The following PCGF5 variants were observed in gnomAD, a reference collection of about 807,000 sequenced individuals.
PCGF5 encodes polycomb group RING finger protein 5.
Under a neutral mutation model 44.3 loss-of-function variants are expected in PCGF5, and 9 were observed. The observed-to-expected ratio is 0.20, with a 90% CI of 0.12 to 0.35. The LOEUF is 0.35. Among genes scored for constraint, PCGF5 ranks in the 10% least tolerant of loss-of-function variants. The pLI, the probability that PCGF5 is intolerant of heterozygous loss-of-function variation, is 1.00. For synonymous variants in PCGF5, 95 were observed against 102.5 expected, an observed-to-expected ratio of 0.93 and a Z score of 0.44; for missense variants, 146 against 305.3, an observed-to-expected ratio of 0.48 and a Z score of 3.89.
At chr10:91,210,697 A>G (rs888516384) in intron 1 of PCGF5, among the ~76,000 whole-genome samples, 3 of 152,204 alleles carry the variant, frequency 2.0e-5, no homozygotes, top group African/African-American at 4.8e-5. Flanking sequence ...CCTGGTACCA[A>G]TTAAGACCAC....
At chr10:91,229,275 A>C (rs907499535) in intron 2 of PCGF5, among the ~76,000 whole-genome samples, 14 of 152,232 alleles carry the variant, frequency 9.2e-5, no homozygotes, top group African/African-American at 3.4e-4. Flanking sequence ...AGAACTTAAC[A>C]TTCTAATAGG....
At chr10:91,234,965 T>C (rs1424731151) in intron 2 of PCGF5, among the ~76,000 whole-genome samples, 1 of 152,196 alleles carries the variant, frequency 6.6e-6, no homozygotes, top group African/African-American at 2.4e-5. Context: ...AATTCTTTAA[T>C]TATTTTTTGT....
intron 1 of PCGF5, among the ~76,000 whole-genome samples, chr10:91,166,061 G>A (rs144006190): frequency 1.6e-3 from 249 of 152,278 alleles, no homozygotes; most frequent in African/African-American, 5.8e-3. Flanking sequence ...ATTACTTGGC[G>A]CAGTTCATTC....
At chr10:91,180,176 C>G (rs553271454) in intron 1 of PCGF5, among the ~76,000 whole-genome samples, 2 of 152,056 alleles carry the variant, frequency 1.3e-5, no homozygotes, top group Non-Finnish European at 2.9e-5. Context: ...ATGTTCTTTG[C>G]CCACTTTTTA....
At chr10:91,184,147 A>G (rs1303502394) in intron 1 of PCGF5, among the ~76,000 whole-genome samples, 2 of 152,102 alleles carry the variant, frequency 1.3e-5, no homozygotes, top group African/African-American at 4.8e-5. Flanking sequence ...TGATATCCTA[A>G]AATATGTTTT....
intron 1 of PCGF5, among the ~76,000 whole-genome samples, chr10:91,164,080 C>G (rs1392587471): frequency 6.6e-6 from 1 of 152,252 alleles, no homozygotes; most frequent in Non-Finnish European, 1.5e-5. Context: ...ATCATCGCCC[C>G]GCGGACCGGG....
chr10:91,260,694 G>T (rs1367992788), intron 6 of PCGF5, among the ~76,000 whole-genome samples: 1 of 151,630 alleles, frequency 6.6e-6, no homozygotes, highest in East Asian at 1.9e-4. Context: ...ATCATTCTCA[G>T]CAAACTATCA....
intron 6 of PCGF5, 139 bp from the exon 7 acceptor site, chr10:91,261,187 T>C: frequency 9.1e-7 from 1 of 1,102,880 alleles, no homozygotes; most frequent in South Asian, 3.0e-5. Flanking sequence ...ACTAAAAAGC[T>C]ATAAATTGAA....
chr10:91,180,437 G>GAT (rs1439691338), intron 1 of PCGF5, among the ~76,000 whole-genome samples: 5 of 152,052 alleles, frequency 3.3e-5, no homozygotes, highest in Admixed American at 3.3e-4. Context: ...TGCCCTGAAT[G>GAT]ATAGGTTGTC....
At chr10:91,276,929 A>G (rs1158859136) in intron 9 of PCGF5, among the ~76,000 whole-genome samples, 1 of 152,214 alleles carries the variant, frequency 6.6e-6, no homozygotes, top group Non-Finnish European at 1.5e-5. Flanking sequence ...TAAAATGGAG[A>G]TAATCTGTGT....
At chr10:91,162,599 G>T (rs1554840929), upstream of PCGF5, among the ~76,000 whole-genome samples, 1 of 152,026 alleles carries the variant, frequency 6.6e-6, no homozygotes, top group Non-Finnish European at 1.5e-5. Context: ...GAGACTGCGA[G>T]CCCCGAGCGA....
intron 1 of PCGF5, among the ~76,000 whole-genome samples, chr10:91,170,932 GC>G (rs1283852092): frequency 6.6e-6 from 1 of 152,190 alleles, no homozygotes; most frequent in Non-Finnish European, 1.5e-5. Flanking sequence ...TAGCTATCAA[GC>G]CATGAAAAGA....
At chr10:91,213,099 G>A (rs1367077377) in intron 1 of PCGF5, among the ~76,000 whole-genome samples, 2 of 152,164 alleles carry the variant, frequency 1.3e-5, no homozygotes, top group South Asian at 4.1e-4. Context: ...CTTATGTGCA[G>A]TTTAAGTGTT....
intron 1 of PCGF5, among the ~76,000 whole-genome samples, chr10:91,211,510 A>G (rs941327289): frequency 6.6e-6 from 1 of 152,156 alleles, no homozygotes; most frequent in Non-Finnish European, 1.5e-5. Flanking sequence ...GTCATTTACT[A>G]TCGGACCTGA....
chr10:91,161,300 C>G (rs1392645377), upstream of PCGF5, among the ~76,000 whole-genome samples: 1 of 152,032 alleles, frequency 6.6e-6, no homozygotes, highest in South Asian at 2.1e-4. Flanking sequence ...TTGCTATTGA[C>G]TCGCTTGGGA....
chr10:91,264,553 T>C lies in PCGF5; in HGVS notation c.663+33T>C, dbSNP rs377653920. 1.3e-4 allele frequency: 191 copies of C among 1,444,450 alleles called. 1 individual carries two copies. Among genetic ancestry groups the C allele is most frequent in the South Asian group, 1.1e-3 (93 of 84,808 alleles). The allele number at this position is 1,444,450 out of a possible 1,614,324, so 89.5% of individuals were successfully genotyped here. A position where few individuals can be genotyped will look rare whatever the true frequency, so the allele number is the denominator to read the frequency against. On this transcript the variant is annotated intron_variant, in intron 8 of 9. Transcript: ENST00000336126. ...GCTTTTATATTTACCTATGTGTTTA[T>C]TTAGTTATATACCATTATGTTACTC... is the stretch of plus-strand genomic sequence containing the variant.
chr10:91,254,749 G>C (rs757284079), intron 6 of PCGF5, among the ~76,000 whole-genome samples: 3 of 152,100 alleles, frequency 2.0e-5, no homozygotes, highest in Non-Finnish European at 4.4e-5. Flanking sequence ...AATAAAAAGA[G>C]TAGAGTAAGT....
chr10:91,200,663 C>G (rs1844235323), intron 1 of PCGF5, among the ~76,000 whole-genome samples: 1 of 152,032 alleles, frequency 6.6e-6, no homozygotes, highest in African/African-American at 2.4e-5. Flanking sequence ...TTGGCAGAGG[C>G]TGAGAGGCAG....
intron 1 of PCGF5, among the ~76,000 whole-genome samples, chr10:91,166,510 A>G (rs780782322): frequency 1.3e-5 from 2 of 152,260 alleles, no homozygotes; most frequent in African/African-American, 2.4e-5. Context: ...AACTTTTACA[A>G]TAATGAAACT....
Sources: allele counts gnomAD v4.1 joint callset (sites outside exome capture counted in the v4.1 genomes callset), GRCh38; gene constraint gnomAD v4.1.1; transcripts MANE v1.5; gene names NCBI Gene and HGNC (gene_info 2026-07-23, HGNC 2026-07-21).